The following TOX2 variants were observed in gnomAD, a reference collection of about 807,000 sequenced individuals.
TOX2 encodes the protein TOX high mobility group box family member 2, also known as granulosa cell HMG box 1.
In TOX2, 15 loss-of-function variants were observed where a neutral mutation model predicts 47.4. That is an observed-to-expected ratio of 0.32 (90% CI 0.21 to 0.49). The LOEUF is 0.49. TOX2 is among the 20% of genes least tolerant of loss of function. The pLI is 0.99. For missense variants in TOX2, 622 were observed against 673.1 expected (o/e 0.92, Z 0.84); for synonymous variants, 290 against 296.6 (o/e 0.98, Z 0.23).
chr20:43,936,889 TG>T (rs984470160), intron 1 of TOX2, among the ~76,000 whole-genome samples: 15 of 152,110 alleles, frequency 9.9e-5, no homozygotes, highest in African/African-American at 3.6e-4. Context: ...TTAGGATTAG[TG>T]GTCATCTTTG....
intron 1 of TOX2, among the ~76,000 whole-genome samples, chr20:43,958,534 C>A (rs968488167): frequency 5.3e-5 from 8 of 152,224 alleles, no homozygotes; most frequent in Non-Finnish European, 1.5e-5. Flanking sequence ...TTATCACCCC[C>A]CTCCAGGTGC....
intron 1 of TOX2, chr20:43,945,898 C>T (rs762818097): frequency 1.2e-5 from 20 of 1,610,760 alleles, no homozygotes; most frequent in Non-Finnish European, 1.6e-5. Context: ...ATTTTTTCCT[C>T]TTTCTCTGCT....
chr20:43,916,957 G>T lies in TOX2; in HGVS notation c.99+1967G>T, dbSNP rs1047825105. Among the ~76,000 whole-genome samples the T allele has an allele frequency of 6.6e-6, 1 of 152,208 alleles. No homozygotes were observed. Among genetic ancestry groups the T allele is most frequent in the Admixed American group, 6.5e-5 (1 of 15,284 alleles). ...AACCTGTGCGAATCTCGCCGGGAAG[G>T]GCCCGTCAGGGAGGGAATGAGAAGC... On this transcript the variant is annotated intron_variant, in intron 1 of 8. Transcript: ENST00000341197. The surrounding 1 kb of genome is among the most constrained non-coding windows in gnomAD (Gnocchi z 5.0).
At chr20:43,927,366 G>A (rs1465259154) in intron 1 of TOX2, among the ~76,000 whole-genome samples, 1 of 151,818 alleles carries the variant, frequency 6.6e-6, no homozygotes, top group African/African-American at 2.4e-5. Flanking sequence ...TTTTTCCCCT[G>A]TGGGCTGGTA....
intron 3 of TOX2, 125 bp downstream of exon 3, chr20:44,006,917 G>C: frequency 2.9e-6 from 4 of 1,392,258 alleles, no homozygotes; most frequent in Non-Finnish European, 2.8e-6. Context: ...GGGTTTACCT[G>C]GTTGCTTGGA....
chr20:43,932,965 TC>T (rs1165186732), intron 1 of TOX2, among the ~76,000 whole-genome samples: 4 of 152,102 alleles, frequency 2.6e-5, no homozygotes, highest in African/African-American at 9.7e-5. Flanking sequence ...AGGGGCAAAG[TC>T]CCTTCAAGAA....
intron 3 of TOX2, among the ~76,000 whole-genome samples, chr20:44,035,492 TC>T (rs1361305148): frequency 6.6e-5 from 10 of 152,004 alleles, no homozygotes; most frequent in African/African-American, 2.4e-4. Context: ...GGTGGGAAGG[TC>T]GCTGCACATG....
At position 43,982,986 on chromosome 20, in the gene TOX2, C is replaced by T. The variant is rs557517469; in HGVS notation, c.165+9554C>T. Among the ~76,000 whole-genome samples the T allele has an allele frequency of 2.6e-5, 4 of 151,994 alleles. No individual in the cohort carries two copies. In the South Asian group the frequency reaches 8.3e-4, roughly 32 times the overall value. ...TGTTTGCAAGGGGAATGACACTGCA[C>T]AATTGAACATAAAGATTCTGGGGAC... On this transcript the variant is annotated intron_variant, in intron 2 of 8. Coordinates refer to ENST00000341197, the MANE Select transcript of TOX2 (RefSeq NM_001098797.2).
Position 44,006,563 on chromosome 20 carries a change from G to A in TOX2, c.182G>A (p.Ser61Asn). 1.9e-6 allele frequency: 3 copies of A among 1,613,432 alleles called. No homozygotes were observed. Among genetic ancestry groups the A allele is most frequent in the Non-Finnish European group, 2.5e-6 (3 of 1,179,936 alleles). The part of the protein sequence containing the change: ...LSTSQTYNGQ[S>N]ENNEDYEIPP... ...ATGTTTTAGACCTACAACGGCCAGA[G>A]CGAGAACAACGAAGACTATGAGATC... Residue 61 changes from serine (S) to asparagine (N), a missense_variant, in exon 3 of 9, where the codon AGC becomes AAC. This residue lies in a region of TOX2 where 307 missense variants were observed against 327.3 expected (regional missense o/e 0.94). Transcript: ENST00000341197.
intron 2 of TOX2, among the ~76,000 whole-genome samples, chr20:43,991,557 A>G (rs1419065639): frequency 6.6e-6 from 1 of 151,914 alleles, no homozygotes; most frequent in Non-Finnish European, 1.5e-5. Flanking sequence ...GGCCCTTGGA[A>G]TATATCAGTG....
intron 4 of TOX2, among the ~76,000 whole-genome samples, chr20:44,053,370 T>G (rs2071549937): frequency 6.6e-6 from 1 of 151,810 alleles, no homozygotes; most frequent in Admixed American, 6.6e-5. Flanking sequence ...AACATGGCGG[T>G]GGAGACCAGC....
chr20:43,970,440 C>A (rs2069944709), intron 1 of TOX2, among the ~76,000 whole-genome samples: 1 of 152,200 alleles, frequency 6.6e-6, no homozygotes, highest in Admixed American at 6.5e-5. Flanking sequence ...CTGTTCTCAC[C>A]AGCATTTAAT....
chr20:44,006,642 C>G lies in TOX2; in HGVS notation c.261C>G (p.Asp87Glu). 2 of 1,614,146 alleles carry G rather than the reference C, an allele frequency of 1.2e-6. No individual in the cohort carries two copies. Among genetic ancestry groups the G allele is most frequent in the South Asian group, 2.2e-5 (2 of 91,088 alleles). Residue 87 changes from aspartate to glutamate, a missense_variant, in exon 3 of 9, where the codon GAC becomes GAG. Asp to Glu is a conservative substitution (Grantham distance 45, BLOSUM62 2). Coordinates refer to ENST00000341197, the MANE Select transcript of TOX2 (RefSeq NM_001098797.2). ...LPEPSLLHLG[D>E]HEASYHSLCH... ...AGCCATCCCTCCTGCACCTGGGGGACCACGAAGCCAGCTACCACTCGCTGT... is the reference window on the plus strand; with the variant it reads ...AGCCATCCCTCCTGCACCTGGGGGAGCACGAAGCCAGCTACCACTCGCTGT...
intron 2 of TOX2, among the ~76,000 whole-genome samples, chr20:43,998,719 A>ACATC (rs200621210): frequency 0.12 from 12,772 of 102,776 alleles, 849 homozygotes; most frequent in Middle Eastern, 0.25. Context: ...TTGGCCTGAT[A>ACATC]CATCTATCTA....
intron 1 of TOX2, chr20:43,945,872 G>C: frequency 6.2e-7 from 1 of 1,606,110 alleles, no homozygotes; most frequent in Non-Finnish European, 8.5e-7. Flanking sequence ...GGCTTATAAA[G>C]CTTGCTATTT....
intron 2 of TOX2, among the ~76,000 whole-genome samples, chr20:43,994,941 G>A (rs568553828): frequency 9.9e-5 from 15 of 152,224 alleles, no homozygotes; most frequent in Admixed American, 7.2e-4. Context: ...GTGGGAGGGT[G>A]TTAGATGCAC....
chr20:44,044,666 T>C (rs560192131), intron 3 of TOX2, among the ~76,000 whole-genome samples: 32 of 152,254 alleles, frequency 2.1e-4, no homozygotes, highest in Middle Eastern at 3.4e-3. Context: ...GGAACCCTTG[T>C]GTGTTGCTGG....
chr20:43,925,262 A>AGGG (rs1569001122), intron 1 of TOX2, among the ~76,000 whole-genome samples: 36 of 152,028 alleles, frequency 2.4e-4, no homozygotes, highest in African/African-American at 7.7e-4. Context: ...GGAGGGGGGC[A>AGGG]TCTAGATCTG....
Position 44,006,714 on chromosome 20 carries a change from G to A in TOX2, c.333G>A (p.Gln111=). The change falls in exon 3 of 9, where the codon CAG becomes CAA. Residue 111 remains glutamine (Q), a synonymous_variant. Coordinates refer to ENST00000341197, the MANE Select transcript of TOX2 (RefSeq NM_001098797.2). ...GTCTGCTCCCTGCCTACTCCTATCA[G>A]GCCATGGACCTCCCAGCCATCATGG... ...PNGLLPAYSY[Q]AMDLPAIMVS... 6 of 1,614,128 alleles carry A rather than the reference G, an allele frequency of 3.7e-6. No individual in the cohort carries two copies. Among genetic ancestry groups the A allele is most frequent in the Non-Finnish European group, 5.1e-6 (6 of 1,180,038 alleles).
Sources: allele counts gnomAD v4.1 joint callset (sites outside exome capture counted in the v4.1 genomes callset), GRCh38; gene constraint gnomAD v4.1.1; regional missense constraint gnomAD v4.1.1; non-coding constraint Gnocchi (gnomAD v3.1); transcripts MANE v1.5; gene names NCBI Gene and HGNC (gene_info 2026-07-23, HGNC 2026-07-21).